ITGBL1: variants seen among roughly 807,000 people sequenced by gnomAD.
ITGBL1 encodes integrin beta-like protein 1.
In ITGBL1, 51 loss-of-function variants were observed where a neutral mutation model predicts 68.5. The observed-to-expected ratio is 0.74, with a 90% CI of 0.59 to 0.94. The LOEUF (loss-of-function observed/expected upper bound fraction) is 0.94, where lower values mean the gene tolerates loss of function less well. Among genes scored for constraint, ITGBL1 ranks in the 40% least tolerant of loss-of-function variants. ITGBL1 has a pLI of 0.00. For missense variants in ITGBL1, 649 were observed against 647.4 expected (o/e 1.00, Z -0.03); for synonymous variants, 209 against 227.3 (o/e 0.92, Z 0.72).
At chr13:101,507,746 A>G (rs2049048930) in intron 2 of ITGBL1, among the ~76,000 whole-genome samples, 1 of 152,152 alleles carries the variant, frequency 6.6e-6, no homozygotes, top group Non-Finnish European at 1.5e-5. Flanking sequence ...ACTTTAAGGC[A>G]AAATAGATAT....
At chr13:101,602,090 A>G (rs975930268) in intron 7 of ITGBL1, among the ~76,000 whole-genome samples, 1 of 152,040 alleles carries the variant, frequency 6.6e-6, no homozygotes, top group African/African-American at 2.4e-5. Context: ...AGGTATGTTC[A>G]ATTTCAGTTC....
At chr13:101,607,463 G>A (rs1317764111) in intron 7 of ITGBL1, among the ~76,000 whole-genome samples, 2 of 151,866 alleles carry the variant, frequency 1.3e-5, no homozygotes, top group East Asian at 1.9e-4. Context: ...TTATATAGTT[G>A]TAGCAAAATA....
rs561611489 is a variant in ITGBL1, at chr13:101,464,537, A to C, written c.316+10437A>C. 5.1e-3 allele frequency among the ~76,000 whole-genome samples: 773 copies of C among 151,884 alleles called. 1 individual carries two copies. The highest frequency in any genetic ancestry group is 5.7e-3 in the Non-Finnish European group (387 of 67,964). On this transcript the variant is annotated intron_variant, in intron 2 of 10. Transcript: ENST00000376180. ...AGAGGGTCTCTCTCTCTCTCTATATATATATATATGCATATGTTTATATAT... is the reference window on the plus strand; with the variant it reads ...AGAGGGTCTCTCTCTCTCTCTATATCTATATATATGCATATGTTTATATAT...
chr13:101,454,059 A>G lies in ITGBL1; in HGVS notation c.275A>G (p.His92Arg). The G allele has an allele frequency of 1.3e-6, 2 of 1,591,548 alleles. No homozygotes were observed. The highest frequency in any genetic ancestry group is 1.7e-6 in the Non-Finnish European group (2 of 1,169,364). The change falls in exon 2 of 11, where the codon CAT becomes CGT. Residue 92 changes from histidine to arginine, a missense_variant. Coordinates refer to ENST00000376180, the MANE Select transcript of ITGBL1 (RefSeq NM_004791.3). ...GMFFGPLCEC[H>R]EWVCETYDGS... ...TTCTTCGGGCCCCTGTGTGAGTGCC[A>G]TGAGTGGGTGTGCGAGACCTACGAC...
chr13:101,689,571 C>T (rs2033837795), intron 7 of ITGBL1, among the ~76,000 whole-genome samples: 1 of 151,866 alleles, frequency 6.6e-6, no homozygotes, highest in African/African-American at 2.4e-5. Flanking sequence ...TGCCACTGCA[C>T]TCCAACCTGA....
chr13:101,475,883 A>G (rs2139650714), intron 2 of ITGBL1, among the ~76,000 whole-genome samples: 1 of 152,310 alleles, frequency 6.6e-6, no homozygotes, highest in Middle Eastern at 3.4e-3. Context: ...TAAAGAAGCA[A>G]CAAAACTTTC....
At chr13:101,597,392 TTA>T (rs1277966599) in intron 6 of ITGBL1, among the ~76,000 whole-genome samples, 8 of 143,350 alleles carry the variant, frequency 5.6e-5, no homozygotes, top group Non-Finnish European at 1.0e-4. Flanking sequence ...AAAGGAGCGT[TTA>T]TATATTAAAA....
At chr13:101,591,291 AC>A (rs1450504352) in intron 6 of ITGBL1, among the ~76,000 whole-genome samples, 1 of 152,238 alleles carries the variant, frequency 6.6e-6, no homozygotes, top group Non-Finnish European at 1.5e-5. Flanking sequence ...ATAAACCGTT[AC>A]AAAAATTCCC....
intron 2 of ITGBL1, among the ~76,000 whole-genome samples, chr13:101,480,975 A>C (rs1444266872): frequency 6.6e-6 from 1 of 151,644 alleles, no homozygotes; most frequent in Non-Finnish European, 1.5e-5. Flanking sequence ...GGAGCAGCTC[A>C]TAGGGAGCCT....
chr13:101,622,923 G>GTGTGTGTA (rs2031641925), intron 7 of ITGBL1, among the ~76,000 whole-genome samples: 1 of 151,654 alleles, frequency 6.6e-6, no homozygotes, highest in Non-Finnish European at 1.5e-5. Context: ...GTATGTGTGT[G>GTGTGTGTA]TGTGTGTGTG....
At chr13:101,674,463 T>A (rs747178167) in intron 7 of ITGBL1, among the ~76,000 whole-genome samples, 2 of 152,218 alleles carry the variant, frequency 1.3e-5, no homozygotes, top group Non-Finnish European at 1.5e-5. Flanking sequence ...AGATGAAACC[T>A]TTCAATATTA....
At chr13:101,644,621 A>G (rs1355835862) in intron 7 of ITGBL1, among the ~76,000 whole-genome samples, 1 of 152,252 alleles carries the variant, frequency 6.6e-6, no homozygotes, top group African/African-American at 2.4e-5. Context: ...GATTCAGCAA[A>G]TACTTGAAAA....
chr13:101,513,729 A>C (rs1379687580), intron 2 of ITGBL1, among the ~76,000 whole-genome samples: 1 of 152,134 alleles, frequency 6.6e-6, no homozygotes, highest in African/African-American at 2.4e-5. Context: ...AGAACCATTG[A>C]CCCCATGAAA....
downstream of ITGBL1, chr13:101,718,086 G>T (rs1402471881): frequency 6.6e-6 from 1 of 152,072 alleles, no homozygotes; most frequent in Non-Finnish European, 1.5e-5. Context: ...AGTCAGCTCT[G>T]TTCTAGTGTT....
intron 2 of ITGBL1, among the ~76,000 whole-genome samples, chr13:101,498,549 G>T (rs2048891709): frequency 6.6e-6 from 1 of 152,122 alleles, no homozygotes; most frequent in South Asian, 2.1e-4. Context: ...TAGAATTCAA[G>T]TAATTTTTGT....
At chr13:101,686,877 A>G (rs1164245707) in intron 7 of ITGBL1, among the ~76,000 whole-genome samples, 1 of 152,198 alleles carries the variant, frequency 6.6e-6, no homozygotes, top group Non-Finnish European at 1.5e-5. Flanking sequence ...ATAACATTCT[A>G]AAATTTTAAG....
chr13:101,469,971 C>T (rs2048435122), intron 2 of ITGBL1, among the ~76,000 whole-genome samples: 1 of 152,188 alleles, frequency 6.6e-6, no homozygotes, highest in South Asian at 2.1e-4. Context: ...CGTAACTTCT[C>T]TGAGCCTCAG....
At chr13:101,531,330 TA>T (rs1294914439) in intron 2 of ITGBL1, among the ~76,000 whole-genome samples, 4 of 152,232 alleles carry the variant, frequency 2.6e-5, no homozygotes, top group Non-Finnish European at 4.4e-5. Flanking sequence ...AACTTAGCTG[TA>T]ACTTAAAGTT....
At chr13:101,685,576 T>C (rs1380295018) in intron 7 of ITGBL1, among the ~76,000 whole-genome samples, 5 of 152,110 alleles carry the variant, frequency 3.3e-5, no homozygotes, top group Non-Finnish European at 5.9e-5. Context: ...CTAACTTAGA[T>C]CACTCCCTGT....
Sources: allele counts gnomAD v4.1 joint callset (sites outside exome capture counted in the v4.1 genomes callset), GRCh38; gene constraint gnomAD v4.1.1; transcripts MANE v1.5; gene names NCBI Gene and HGNC (gene_info 2026-07-23, HGNC 2026-07-21).